Variants in STXBP5L observed in about 807,000 individuals in gnomAD.
STXBP5L encodes the protein syntaxin-binding protein 5-like.
STXBP5L carries 65 observed loss-of-function variants against 144.5 expected under a neutral mutation model. That is an observed-to-expected ratio of 0.45 (90% CI 0.37 to 0.55). The LOEUF is 0.55. STXBP5L is among the 20% of genes least tolerant of loss of function. STXBP5L has a pLI of 0.00. For synonymous variants in STXBP5L, 505 were observed against 469.6 expected, an observed-to-expected ratio of 1.08 and a Z score of -0.97; for missense variants, 1,298 against 1,405.5, an observed-to-expected ratio of 0.92 and a Z score of 1.22.
chr3:121,034,989 A>G (rs1024700875), intron 3 of STXBP5L, among the ~76,000 whole-genome samples: 6 of 152,070 alleles, frequency 3.9e-5, no homozygotes, highest in Non-Finnish European at 7.4e-5. Flanking sequence ...CATTTTTTAT[A>G]TACTTGTTGG....
chr3:121,012,443 A>T (rs1944846396), intron 3 of STXBP5L, among the ~76,000 whole-genome samples: 1 of 151,820 alleles, frequency 6.6e-6, no homozygotes, highest in Admixed American at 6.6e-5. Flanking sequence ...AATGTGTTAG[A>T]TCTTAAATTT....
intron 5 of STXBP5L, among the ~76,000 whole-genome samples, chr3:121,093,168 G>T (rs141501569): frequency 0.099 from 15,104 of 152,166 alleles, 1,179 homozygotes; most frequent in Admixed American, 0.2. Context: ...GCTGGATTCG[G>T]TTTGCCAGTA....
chr3:121,074,479 G>C (rs185812386), intron 5 of STXBP5L, among the ~76,000 whole-genome samples: 3 of 152,178 alleles, frequency 2.0e-5, no homozygotes, highest in African/African-American at 4.8e-5. Flanking sequence ...GTAATCCCAT[G>C]GGTGGCTTCT....
chr3:121,265,395 C>T (rs1361668612), intron 18 of STXBP5L, among the ~76,000 whole-genome samples: 4 of 151,978 alleles, frequency 2.6e-5, no homozygotes, highest in Non-Finnish European at 4.4e-5. Context: ...ATGAAATTAA[C>T]ACAGAAATAA....
intron 3 of STXBP5L, among the ~76,000 whole-genome samples, chr3:120,996,172 TTTTTG>T (rs1186330550): frequency 6.6e-6 from 1 of 152,078 alleles, no homozygotes; most frequent in East Asian, 1.9e-4. Context: ...GCTTTCCATA[TTTTTG>T]TTTTGTTTTG....
chr3:120,979,347 G>A (rs1269014866), intron 3 of STXBP5L, among the ~76,000 whole-genome samples: 14 of 152,274 alleles, frequency 9.2e-5, no homozygotes, highest in South Asian at 2.1e-4. Flanking sequence ...AGGACCCTCC[G>A]AGCCAGGTGT....
chr3:120,957,015 G>C (rs909487510), intron 3 of STXBP5L, among the ~76,000 whole-genome samples: 2 of 151,832 alleles, frequency 1.3e-5, no homozygotes, highest in Non-Finnish European at 2.9e-5. Context: ...TAGTAAAAGG[G>C]TCTAATCTCA....
intron 3 of STXBP5L, among the ~76,000 whole-genome samples, chr3:120,985,814 T>C (rs76747568): frequency 0.12 from 18,237 of 151,950 alleles, 1,148 homozygotes; most frequent in Non-Finnish European, 0.14. Flanking sequence ...CTCTTTTTTT[T>C]CTTCGTTCAT....
At chr3:121,416,915 T>C (rs1432117269) in intron 25 of STXBP5L, among the ~76,000 whole-genome samples, 1 of 152,212 alleles carries the variant, frequency 6.6e-6, no homozygotes, top group Non-Finnish European at 1.5e-5. Flanking sequence ...TAGATCAAAA[T>C]TCTCTTTCTC....
chr3:121,157,489 T>C lies in STXBP5L; in HGVS notation c.754-15T>C, dbSNP rs2046160263. 3 of 1,558,408 alleles carry C rather than the reference T, an allele frequency of 1.9e-6. No homozygotes were observed. The highest frequency in any genetic ancestry group is 2.2e-5 in the Admixed American group (1 of 45,632). On this transcript the variant is annotated splice_polypyrimidine_tract_variant and intron_variant, in intron 8 of 26. Transcript: ENST00000471454. Reference sequence around the variant, plus strand: ...TTTTTTCCCCCTCTACTTGTTTTAATTGTTATTTTATTAGGCTATTCATTC... The same window carrying C: ...TTTTTTCCCCCTCTACTTGTTTTAACTGTTATTTTATTAGGCTATTCATTC...
At chr3:120,965,255 A>C (rs1939418025) in intron 3 of STXBP5L, among the ~76,000 whole-genome samples, 1 of 152,186 alleles carries the variant, frequency 6.6e-6, no homozygotes, top group South Asian at 2.1e-4. Flanking sequence ...TGTGTCTTTT[A>C]ATTGGGGCAT....
intron 9 of STXBP5L, among the ~76,000 whole-genome samples, chr3:121,189,756 T>C (rs944876162): frequency 9.9e-5 from 15 of 152,178 alleles, no homozygotes; most frequent in African/African-American, 2.9e-4. Context: ...GTTTGTTTGT[T>C]ATTTGATTCC....
At position 121,314,582 on chromosome 3, in the gene STXBP5L, G is replaced by C. The variant is rs994708823; in HGVS notation, c.2111-3893G>C. On this transcript the variant is annotated intron_variant, in intron 19 of 26. Coordinates refer to ENST00000471454, the MANE Select transcript of STXBP5L (RefSeq NM_001308330.2). ...TTTGGCTCGGCATCAGAGGGAGACC[G>C]TGGAGGGAGAGGGAGAGGGAGAGGG... 5.2e-5 allele frequency among the ~76,000 whole-genome samples: 4 copies of C among 77,544 alleles called. No homozygotes were observed. In the East Asian group the frequency reaches 1.5e-3, roughly 28 times the overall value. The allele number at this position is 77,544 out of a possible 152,430, so 50.9% of individuals were successfully genotyped here. A position where few individuals can be genotyped will look rare whatever the true frequency, so the allele number is the denominator to read the frequency against.
At chr3:121,036,456 C>G (rs1177956501) in intron 3 of STXBP5L, among the ~76,000 whole-genome samples, 1 of 152,098 alleles carries the variant, frequency 6.6e-6, no homozygotes, top group African/African-American at 2.4e-5. Context: ...TCCTTTCCAG[C>G]CTGCATGCTT....
intron 9 of STXBP5L, among the ~76,000 whole-genome samples, chr3:121,198,916 C>T (rs9857034): frequency 0.1 from 15,219 of 152,108 alleles, 1,192 homozygotes; most frequent in Admixed American, 0.2. Context: ...ACTCAGGTAG[C>T]GTGATGCTTC....
chr3:121,190,608 C>A (rs905698936), intron 9 of STXBP5L, among the ~76,000 whole-genome samples: 1 of 152,186 alleles, frequency 6.6e-6, no homozygotes, highest in Non-Finnish European at 1.5e-5. Flanking sequence ...CACAGGGGCT[C>A]CTCACTTCCC....
intron 14 of STXBP5L, among the ~76,000 whole-genome samples, chr3:121,244,958 A>G (rs2049797269): frequency 6.6e-6 from 1 of 152,056 alleles, no homozygotes. Flanking sequence ...AAACAAACAC[A>G]CTAGACAACA....
At chr3:120,956,939 A>G (rs1328099092) in intron 3 of STXBP5L, among the ~76,000 whole-genome samples, 1 of 151,898 alleles carries the variant, frequency 6.6e-6, no homozygotes, top group South Asian at 2.1e-4. Context: ...GTTTTCTTCT[A>G]AGAGTTTTAT....
intron 20 of STXBP5L, among the ~76,000 whole-genome samples, chr3:121,325,455 A>T (rs1369579099): frequency 6.6e-6 from 1 of 152,036 alleles, no homozygotes; most frequent in Non-Finnish European, 1.5e-5. Flanking sequence ...GTGTTCGTTA[A>T]TTAAATGAGA....
Sources: gnomAD v4.1 joint callset for allele counts (sites outside exome capture counted in the v4.1 genomes callset) on GRCh38, gnomAD v4.1.1 for gene constraint, MANE v1.5 for transcripts, NCBI Gene and HGNC (gene_info 2026-07-23, HGNC 2026-07-21) for gene names.